Variants in LYPLAL1 observed in about 807,000 individuals in gnomAD.
LYPLAL1 encodes the protein lysophospholipase-like protein 1.
A neutral mutation model predicts 19.7 loss-of-function variants in LYPLAL1; 23 were observed. The ratio of observed to expected loss-of-function variants is 1.17; its 90% confidence interval spans 0.84 to 1.65. The LOEUF is 1.65. LYPLAL1 is among the 40% of genes most tolerant of loss of function. LYPLAL1 has a pLI of 0.00. For synonymous variants in LYPLAL1, 119 were observed against 96.3 expected, an observed-to-expected ratio of 1.24 and a Z score of -1.38; for missense variants, 355 against 279.4, an observed-to-expected ratio of 1.27 and a Z score of -1.93.
the LYPLAL1 span, among the ~76,000 whole-genome samples, chr1:219,387,128 C>G: frequency 2.0e-5 from 3 of 152,136 alleles, no homozygotes; most frequent in African/African-American, 7.2e-5. Flanking sequence ...CCTTCTCCCC[C>G]ACATGCTCCT....
the LYPLAL1 span, among the ~76,000 whole-genome samples, chr1:219,328,078 A>G: frequency 5.3e-5 from 8 of 152,248 alleles, no homozygotes; most frequent in African/African-American, 1.9e-4. Context: ...TACACATGTC[A>G]TGTTTTGCCC....
chr1:219,422,988 C>A, the LYPLAL1 span, among the ~76,000 whole-genome samples: 28 of 152,254 alleles, frequency 1.8e-4, no homozygotes, highest in African/African-American at 6.5e-4. Flanking sequence ...CACAAGAACC[C>A]ATGACGGAGC....
At chr1:219,292,082 C>T in the LYPLAL1 span, among the ~76,000 whole-genome samples, 1 of 152,092 alleles carries the variant, frequency 6.6e-6, no homozygotes, top group Non-Finnish European at 1.5e-5. Flanking sequence ...AACACGTGGG[C>T]TCCTCACCCG....
intron 1 of LYPLAL1, chr1:219,174,903 A>C (rs1193311055): frequency 1.0e-6 from 1 of 985,360 alleles, no homozygotes; most frequent in East Asian, 1.1e-4. Context: ...AAGACGGTGC[A>C]TGGTTTCCTG....
the LYPLAL1 span, among the ~76,000 whole-genome samples, chr1:219,312,247 G>T: frequency 6.6e-6 from 1 of 152,126 alleles, no homozygotes; most frequent in Non-Finnish European, 1.5e-5. Context: ...GTGGGAGAGG[G>T]TCAGGGGCTG....
the LYPLAL1 span, among the ~76,000 whole-genome samples, chr1:219,362,716 T>A: frequency 1.3e-5 from 2 of 152,090 alleles, no homozygotes; most frequent in Admixed American, 1.3e-4. Context: ...AGTGATATAG[T>A]GTAAGACGTT....
At chr1:219,375,874 T>C in the LYPLAL1 span, among the ~76,000 whole-genome samples, 29 of 151,916 alleles carry the variant, frequency 1.9e-4, no homozygotes, top group Non-Finnish European at 2.9e-5. Context: ...CCCGAGTAGC[T>C]GGGACTACAG....
At chr1:219,328,891 T>C in the LYPLAL1 span, among the ~76,000 whole-genome samples, 4 of 152,176 alleles carry the variant, frequency 2.6e-5, no homozygotes, top group Non-Finnish European at 5.9e-5. Flanking sequence ...GTTTAATGTT[T>C]TTATTCATGA....
chr1:219,175,085 G>C (rs1655702008), intron 1 of LYPLAL1: 1 of 985,436 alleles, frequency 1.0e-6, no homozygotes, highest in South Asian at 4.7e-5. Flanking sequence ...ACCTGGAAAA[G>C]GGCAATTGTG....
the LYPLAL1 span, among the ~76,000 whole-genome samples, chr1:219,287,538 C>T: frequency 5.3e-5 from 8 of 152,134 alleles, no homozygotes; most frequent in South Asian, 2.1e-4. Flanking sequence ...ATCTATTAGA[C>T]GCCTACACAT....
At chr1:219,206,080 A>G (rs766757765) in intron 3 of LYPLAL1, among the ~76,000 whole-genome samples, 2 of 152,120 alleles carry the variant, frequency 1.3e-5, no homozygotes, top group Non-Finnish European at 2.9e-5. Flanking sequence ...AGTTCTTTTC[A>G]GTTGATAGCA....
At chr1:219,329,889 A>G in the LYPLAL1 span, among the ~76,000 whole-genome samples, 7 of 152,218 alleles carry the variant, frequency 4.6e-5, no homozygotes, top group Middle Eastern at 3.4e-3. Context: ...CATTTTGGTA[A>G]TCTCCTCCTC....
the LYPLAL1 span, among the ~76,000 whole-genome samples, chr1:219,344,258 T>C: frequency 6.6e-6 from 1 of 152,184 alleles, no homozygotes; most frequent in Non-Finnish European, 1.5e-5. Flanking sequence ...CCCATTGTTT[T>C]CTCAGACCAT....
chr1:219,218,824 C>A, the LYPLAL1 span, among the ~76,000 whole-genome samples: 5 of 152,064 alleles, frequency 3.3e-5, no homozygotes, highest in Non-Finnish European at 7.4e-5. Context: ...TTAAGACAAC[C>A]ATGAATAACA....
At chr1:219,177,251 C>A (rs1355697314) in intron 1 of LYPLAL1, among the ~76,000 whole-genome samples, 1 of 152,150 alleles carries the variant, frequency 6.6e-6, no homozygotes, top group Non-Finnish European at 1.5e-5. Context: ...TACTGGCATC[C>A]AGGTAGTGTA....
the LYPLAL1 span, among the ~76,000 whole-genome samples, chr1:219,280,726 C>G: frequency 6.6e-6 from 1 of 152,028 alleles, no homozygotes; most frequent in Non-Finnish European, 1.5e-5. Flanking sequence ...TTTTAGGACC[C>G]TCTGCAAAAG....
the LYPLAL1 span, among the ~76,000 whole-genome samples, chr1:219,377,117 G>A: frequency 6.6e-6 from 1 of 152,158 alleles, no homozygotes; most frequent in Non-Finnish European, 1.5e-5. Context: ...CAAACACAAT[G>A]TGGTATATAA....
At chr1:219,271,264 C>T in the LYPLAL1 span, 1 of 152,058 alleles carries the variant, frequency 6.6e-6, no homozygotes, top group African/African-American at 2.4e-5. Context: ...TGTTAAGTGA[C>T]ATTTTTGTGA....
the LYPLAL1 span, among the ~76,000 whole-genome samples, chr1:219,267,494 A>G: frequency 6.6e-6 from 1 of 152,184 alleles, no homozygotes; most frequent in Non-Finnish European, 1.5e-5. Flanking sequence ...TATGGACTGG[A>G]TATTCCTCTG....
Sources: gnomAD v4.1 joint callset for allele counts (sites outside exome capture counted in the v4.1 genomes callset) on GRCh38, gnomAD v4.1.1 for gene constraint, MANE v1.5 for transcripts, NCBI Gene and HGNC (gene_info 2026-07-23, HGNC 2026-07-21) for gene names.